The following TMEM184C variants were observed in gnomAD, a reference collection of about 807,000 sequenced individuals.
TMEM184C encodes transmembrane protein 34.
TMEM184C carries 25 observed loss-of-function variants against 54.5 expected under a neutral mutation model. That is an observed-to-expected ratio of 0.46 (90% CI 0.33 to 0.64). The LOEUF is 0.64. Ranked by LOEUF, TMEM184C falls within the 30% of genes least tolerant of loss-of-function variation. The probability of loss-of-function intolerance (pLI) is 0.02; values close to 1 mark genes in which losing one functional copy is unlikely to be tolerated. For synonymous variants in TMEM184C, 148 were observed against 181.5 expected (o/e 0.82, Z 1.49); for missense variants, 335 against 520.3 (o/e 0.64, Z 3.46).
intron 5 of TMEM184C, 25 bp from the exon 6 acceptor site, chr4:147,629,574 G>T (rs1299619646): frequency 2.0e-6 from 3 of 1,537,298 alleles, no homozygotes; most frequent in Admixed American, 1.9e-5. Flanking sequence ...TTTAATCAGA[G>T]ATATCTCATT....
At chr4:147,621,908 T>C (rs141335452) in intron 1 of TMEM184C, among the ~76,000 whole-genome samples, 1 of 152,296 alleles carries the variant, frequency 6.6e-6, no homozygotes, top group South Asian at 2.1e-4. Flanking sequence ...CTCTTAAGTG[T>C]ACCACCAAGT....
intron 5 of TMEM184C, among the ~76,000 whole-genome samples, chr4:147,628,707 A>T (rs953826009): frequency 6.6e-6 from 1 of 152,196 alleles, no homozygotes; most frequent in Non-Finnish European, 1.5e-5. Context: ...CTTCTTTTTC[A>T]GATACATAGC....
intron 9 of TMEM184C, 24 bp downstream of exon 9, chr4:147,633,960 A>G (rs747604075): frequency 1.3e-6 from 2 of 1,599,166 alleles, no homozygotes; most frequent in Non-Finnish European, 1.7e-6. Flanking sequence ...ATTTAATTCA[A>G]CCAAATAGGT....
chr4:147,618,906 G>GT (rs1403383717), intron 1 of TMEM184C, among the ~76,000 whole-genome samples: 1 of 152,216 alleles, frequency 6.6e-6, no homozygotes, highest in Non-Finnish European at 1.5e-5. Flanking sequence ...TTTTGCTCCT[G>GT]TTGCCCAGGC....
rs1162870492 is a variant in TMEM184C at position 147,618,080 on chromosome 4, G to A, written c.123+1G>A. 1.2e-6 allele frequency: 2 copies of A among 1,614,044 alleles called. No homozygotes were observed. Among genetic ancestry groups the A allele is most frequent in the Non-Finnish European group, 8.5e-7 (1 of 1,179,966 alleles). On this transcript the variant is annotated splice_donor_variant, in intron 1 of 9. Transcript: ENST00000296582. LOFTEE classifies it high-confidence loss of function. ...CGTGTGGGAATTACAGAAACTGGAG[G>A]TAAGAGGGTTCTGCACCATCAGCCT...
rs772443415 is a variant in TMEM184C, at chr4:147,617,862, A to T, written c.-95A>T. 18 of 1,569,554 alleles carry T rather than the reference A, an allele frequency of 1.1e-5. No homozygotes were observed. The highest frequency in any genetic ancestry group is 1.6e-5 in the Non-Finnish European group (18 of 1,145,440). On this transcript the variant is annotated 5_prime_UTR_variant, in exon 1 of 10. It removes an upstream start codon present in the reference 5' UTR. Transcript: ENST00000296582. ...CGCCCGACAGCTTTTTCTCCGTAGT[A>T]TGCGAGTTGACAAAACAGCCAGAGA... is the stretch of plus-strand genomic sequence containing the variant.
intron 4 of TMEM184C, among the ~76,000 whole-genome samples, chr4:147,626,192 A>G (rs916348224): frequency 1.3e-5 from 2 of 152,188 alleles, no homozygotes; most frequent in South Asian, 2.1e-4. Flanking sequence ...CTCCTAAACC[A>G]TAATTTCTAA....
chr4:147,623,349 C>T (rs1251386106), intron 1 of TMEM184C, among the ~76,000 whole-genome samples: 1 of 151,656 alleles, frequency 6.6e-6, no homozygotes, highest in Non-Finnish European at 1.5e-5. Context: ...GCAGGAGAAT[C>T]GCTTGAACCC....
At chr4:147,624,343 A>C (rs377146148) in intron 3 of TMEM184C, among the ~76,000 whole-genome samples, 1 of 150,224 alleles carries the variant, frequency 6.7e-6, no homozygotes, top group East Asian at 1.9e-4. Flanking sequence ...TAAAGAATGT[A>C]ATATTTTAAA....
At chr4:147,631,289 T>G in intron 6 of TMEM184C, 104 bp from the exon 7 acceptor site, 1 of 775,566 alleles carries the variant, frequency 1.3e-6, no homozygotes, top group Non-Finnish European at 2.0e-6. Flanking sequence ...CCTAGAAAAG[T>G]TTGCCTGAAA....
At chr4:147,618,499 G>C (rs1374944469) in intron 1 of TMEM184C, among the ~76,000 whole-genome samples, 1 of 152,102 alleles carries the variant, frequency 6.6e-6, no homozygotes, top group African/African-American at 2.4e-5. Context: ...TAACTTTGGT[G>C]TCTGTTTTTA....
chr4:147,626,537 A>G (rs538341945), intron 4 of TMEM184C, among the ~76,000 whole-genome samples: 1 of 152,350 alleles, frequency 6.6e-6, no homozygotes, highest in African/African-American at 2.4e-5. Flanking sequence ...ATTGCCTCCT[A>G]TGCAGTACAG....
At chr4:147,632,219 T>C (rs1029211551) in intron 7 of TMEM184C, among the ~76,000 whole-genome samples, 3 of 133,202 alleles carry the variant, frequency 2.3e-5, no homozygotes, top group African/African-American at 8.3e-5. Flanking sequence ...GTAATAGGGG[T>C]CCTAGAAACA....
At chr4:147,633,662 C>T (rs1364327188) in intron 8 of TMEM184C, 103 bp from the exon 9 acceptor site, 1 of 940,968 alleles carries the variant, frequency 1.1e-6, no homozygotes, top group East Asian at 2.8e-5. Context: ...AAAAACACAG[C>T]TGTTTATCTT....
rs540903909 is a variant in TMEM184C at position 147,635,529 on chromosome 4, C to T, written c.*1095C>T. 1.3e-5 allele frequency: 2 copies of T among 152,244 alleles called. No individual in the cohort carries two copies. The highest frequency in any genetic ancestry group is 4.8e-5 in the African/African-American group (2 of 41,552). The allele number at this position is 152,244 out of a possible 1,614,324, so 9.4% of individuals were successfully genotyped here. On this transcript the variant is annotated 3_prime_UTR_variant, in exon 10 of 10. Coordinates refer to ENST00000296582, the MANE Select transcript of TMEM184C (RefSeq NM_018241.3). ...TTGACATTTTATAATGAAAATAAAACAGAAAGTGCCATAGTATGTTACAGA... is the reference window on the plus strand; with the variant it reads ...TTGACATTTTATAATGAAAATAAAATAGAAAGTGCCATAGTATGTTACAGA...
Position 147,617,786 on chromosome 4 carries a change from A to G in TMEM184C, c.-171A>G, listed in dbSNP as rs1015073764. 4.9e-6 allele frequency: 4 copies of G among 811,728 alleles called. No individual in the cohort carries two copies. The African/African-American group carries it at 5.1e-5, about 10-fold the overall frequency. 50.3% of individuals were successfully genotyped at this position (811,728 alleles called of 1,614,324 possible). On this transcript the variant is annotated 5_prime_UTR_variant, in exon 1 of 10. Transcript: ENST00000296582. The stretch of plus-strand genomic sequence containing the variant: ...AGGCTACATTTGCAGAAGCAGCAGC[A>G]GCAGAAGACACAGCGCCGGTCCAGG...
chr4:147,618,038 G>A lies in TMEM184C; in HGVS notation c.82G>A (p.Val28Ile). ...GGTCATCTACCTGGTGTCAATAGTGGTTGCGGTTCCCCTATGCGTGTGGGA... is the reference window on the plus strand; with the variant it reads ...GGTCATCTACCTGGTGTCAATAGTGATTGCGGTTCCCCTATGCGTGTGGGA... ...VAVIYLVSIV[V>I]AVPLCVWELQ... Residue 28 changes from valine (V) to isoleucine (I), a missense_variant, in exon 1 of 10, where the codon GTT becomes ATT. Transcript: ENST00000296582. The A allele has an allele frequency of 1.2e-6, 2 of 1,614,154 alleles. No individual in the cohort carries two copies. Among genetic ancestry groups the A allele is most frequent in the Non-Finnish European group, 1.7e-6 (2 of 1,180,024 alleles).
In TMEM184C at chr4:147,636,435, A is replaced by G. The variant is rs1733050706; in HGVS notation, c.*2001A>G. 1 of 152,120 alleles carries G rather than the reference A, an allele frequency of 6.6e-6. No homozygotes were observed. The highest frequency in any genetic ancestry group is 2.1e-4 in the South Asian group (1 of 4,834). The allele number at this position is 152,120 out of a possible 1,614,324, so 9.4% of individuals were successfully genotyped here. A position where few individuals can be genotyped will look rare whatever the true frequency, so the allele number is the denominator to read the frequency against. Reference sequence around the variant, plus strand: ...TGGGAAAACTGCACTTCCACATGCAAAACAATGAAATCAGACCCTTATCTT... The same window carrying G: ...TGGGAAAACTGCACTTCCACATGCAGAACAATGAAATCAGACCCTTATCTT... On this transcript the variant is annotated 3_prime_UTR_variant, in exon 10 of 10. Coordinates refer to ENST00000296582, the MANE Select transcript of TMEM184C (RefSeq NM_018241.3).
chr4:147,631,516 C>T lies in TMEM184C; in HGVS notation c.779+11C>T. On this transcript the variant is annotated intron_variant, in intron 7 of 9. Transcript: ENST00000296582. ...TTTTGTTTCTTTTTGGTAAGTGTTA[C>T]TTTTTTTTAAATGTTCTCATTTTTT... 13 of 1,588,286 alleles carry T rather than the reference C, an allele frequency of 8.2e-6. 1 individual carries two copies. Among genetic ancestry groups the T allele is most frequent in the Non-Finnish European group, 1.0e-5 (12 of 1,166,746 alleles).
Sources: allele counts gnomAD v4.1 joint callset (sites outside exome capture counted in the v4.1 genomes callset), GRCh38; gene constraint gnomAD v4.1.1; transcripts MANE v1.5; gene names NCBI Gene and HGNC (gene_info 2026-07-23, HGNC 2026-07-21).